The following ZNF804B variants were observed in gnomAD, a reference collection of about 807,000 sequenced individuals.
ZNF804B encodes zinc finger 804B.
ZNF804B carries 80 observed loss-of-function variants against 101.4 expected under a neutral mutation model. That is an observed-to-expected ratio of 0.79 (90% CI 0.66 to 0.95). The LOEUF (loss-of-function observed/expected upper bound fraction) is 0.95. ZNF804B is among the 40% of genes least tolerant of loss of function. The pLI is 0.00. For synonymous variants in ZNF804B, 622 were observed against 558.8 expected, an observed-to-expected ratio of 1.11 and a Z score of -1.59; for missense variants, 1,673 against 1,561.9, an observed-to-expected ratio of 1.07 and a Z score of -1.20.
chr7:89,176,466 CT>C (rs1407893138), intron 1 of ZNF804B, among the ~76,000 whole-genome samples: 5 of 150,352 alleles, frequency 3.3e-5, no homozygotes, highest in African/African-American at 1.2e-4. Flanking sequence ...GATGAATGAT[CT>C]TTTTAATGTG....
At chr7:89,219,709 C>A (rs1437387653) in intron 2 of ZNF804B, among the ~76,000 whole-genome samples, 1 of 138,370 alleles carries the variant, frequency 7.2e-6, no homozygotes, top group Non-Finnish European at 1.6e-5. Flanking sequence ...ATTCCTGATA[C>A]CAAATGGACC....
At chr7:88,814,819 G>A (rs10246107) in intron 1 of ZNF804B, among the ~76,000 whole-genome samples, 35 of 151,796 alleles carry the variant, frequency 2.3e-4, no homozygotes, top group Admixed American at 1.8e-3. Context: ...CCTACAGAAA[G>A]ATTTGAATTT....
At chr7:88,966,698 G>A (rs1793459337) in intron 1 of ZNF804B, among the ~76,000 whole-genome samples, 1 of 150,968 alleles carries the variant, frequency 6.6e-6, no homozygotes, top group Admixed American at 6.6e-5. Flanking sequence ...GAAGTTGAGG[G>A]TAGTCTCCAT....
At chr7:89,175,960 A>C (rs1791311486) in intron 1 of ZNF804B, among the ~76,000 whole-genome samples, 1 of 151,954 alleles carries the variant, frequency 6.6e-6, no homozygotes, top group African/African-American at 2.4e-5. Context: ...AGTTTCTGGT[A>C]GATTACTTAG....
At chr7:89,012,503 A>T (rs531037220) in intron 1 of ZNF804B, among the ~76,000 whole-genome samples, 7 of 152,250 alleles carry the variant, frequency 4.6e-5, no homozygotes, top group Non-Finnish European at 7.4e-5. Flanking sequence ...CTCAAGTTCA[A>T]AATTCCATAA....
At chr7:89,318,566 C>T (rs1294306651) in intron 2 of ZNF804B, among the ~76,000 whole-genome samples, 1 of 152,146 alleles carries the variant, frequency 6.6e-6, no homozygotes, top group East Asian at 1.9e-4. Flanking sequence ...AGTTTGAGAC[C>T]AGACTGGCCA....
chr7:88,905,443 G>A (rs1047862508), intron 1 of ZNF804B, among the ~76,000 whole-genome samples: 2 of 151,460 alleles, frequency 1.3e-5, no homozygotes, highest in East Asian at 1.9e-4. Flanking sequence ...CTGTAACCTC[G>A]GCCTCCCTGG....
intron 1 of ZNF804B, among the ~76,000 whole-genome samples, chr7:89,169,340 T>C (rs1394077646): frequency 6.6e-6 from 1 of 152,210 alleles, no homozygotes; most frequent in Non-Finnish European, 1.5e-5. Flanking sequence ...CTGAGATTTA[T>C]ATCCCAATCA....
chr7:89,024,607 T>C (rs1788719242), intron 1 of ZNF804B, among the ~76,000 whole-genome samples: 1 of 149,950 alleles, frequency 6.7e-6, no homozygotes, highest in Non-Finnish European at 1.5e-5. Flanking sequence ...CTTTTTTTTT[T>C]TTTTTTTTTT....
At chr7:89,329,927 A>G (rs1455491007) in intron 3 of ZNF804B, among the ~76,000 whole-genome samples, 1 of 151,540 alleles carries the variant, frequency 6.6e-6, no homozygotes, top group East Asian at 1.9e-4. Flanking sequence ...TGTTGTTTTG[A>G]TATGTTTTTC....
chr7:89,194,610 A>C (rs1382484894), intron 1 of ZNF804B, among the ~76,000 whole-genome samples: 1 of 151,610 alleles, frequency 6.6e-6, no homozygotes, highest in Non-Finnish European at 1.5e-5. Context: ...TTTGTCAAAG[A>C]TCAGATAGTT....
chr7:88,924,821 A>G (rs1196028920), intron 1 of ZNF804B, among the ~76,000 whole-genome samples: 1 of 152,000 alleles, frequency 6.6e-6, no homozygotes, highest in Non-Finnish European at 1.5e-5. Context: ...AGGAGTGTCT[A>G]TTTTGTTTAC....
intron 1 of ZNF804B, among the ~76,000 whole-genome samples, chr7:88,950,287 T>C (rs1793198356): frequency 6.6e-6 from 1 of 151,958 alleles, no homozygotes. Flanking sequence ...ATTAATTTAA[T>C]TAGATTGTCT....
intron 2 of ZNF804B, among the ~76,000 whole-genome samples, chr7:89,244,668 T>C (rs1789416629): frequency 6.6e-6 from 1 of 152,066 alleles, no homozygotes; most frequent in Non-Finnish European, 1.5e-5. Context: ...AAAAGATAAA[T>C]ACTGGGGAAT....
chr7:88,886,241 A>G (rs1265012798), intron 1 of ZNF804B, among the ~76,000 whole-genome samples: 1 of 152,054 alleles, frequency 6.6e-6, no homozygotes, highest in African/African-American at 2.4e-5. Context: ...TACTCTTCCT[A>G]TACAGATTTC....
chr7:89,193,216 T>G (rs182644668), intron 1 of ZNF804B, among the ~76,000 whole-genome samples: 64 of 151,190 alleles, frequency 4.2e-4, no homozygotes, highest in Non-Finnish European at 8.1e-4. Context: ...CCATCTTTGT[T>G]TGCAAATAAC....
At chr7:89,293,489 A>G (rs1483287789) in intron 2 of ZNF804B, among the ~76,000 whole-genome samples, 1 of 152,196 alleles carries the variant, frequency 6.6e-6, no homozygotes, top group African/African-American at 2.4e-5. Flanking sequence ...TCCATCAGTA[A>G]TAATGCAGAA....
chr7:89,245,719 A>G, intron 2 of ZNF804B, among the ~76,000 whole-genome samples: 2 of 152,160 alleles, frequency 1.3e-5, no homozygotes, highest in Non-Finnish European at 2.9e-5. Context: ...GTGAGGTTTG[A>G]TTCAAGAAAG....
chr7:88,824,440 A>G (rs955330784), intron 1 of ZNF804B, among the ~76,000 whole-genome samples: 4 of 151,420 alleles, frequency 2.6e-5, no homozygotes, highest in Non-Finnish European at 5.9e-5. Flanking sequence ...GTTTCCTGAG[A>G]CCTCCCCAGC....
Sources: gnomAD v4.1 joint callset for allele counts (sites outside exome capture counted in the v4.1 genomes callset) on GRCh38, gnomAD v4.1.1 for gene constraint, MANE v1.5 for transcripts, NCBI Gene and HGNC (gene_info 2026-07-23, HGNC 2026-07-21) for gene names.